CDC27: variants seen among roughly 807,000 people sequenced by gnomAD.
CDC27 encodes cell division cycle protein 27 homolog.
Under a neutral mutation model 109.7 loss-of-function variants are expected in CDC27, and 27 were observed. That is an observed-to-expected ratio of 0.25 (90% CI 0.18 to 0.34). The LOEUF (loss-of-function observed/expected upper bound fraction) is 0.34. Among genes scored for constraint, CDC27 ranks in the 10% least tolerant of loss-of-function variants. The pLI, the probability that CDC27 is intolerant of heterozygous loss-of-function variation, is 1.00. For synonymous variants in CDC27, 266 were observed against 333.9 expected, an observed-to-expected ratio of 0.80 and a Z score of 2.22; for missense variants, 579 against 960.2, an observed-to-expected ratio of 0.60 and a Z score of 5.25.
intron 4 of CDC27, among the ~76,000 whole-genome samples, chr17:47,166,688 C>T (rs536571073): frequency 2.0e-5 from 3 of 152,232 alleles, no homozygotes; most frequent in Admixed American, 1.3e-4. Context: ...GCTTAGATAG[C>T]AGAGTTGAAA....
chr17:47,133,046 C>T (rs1231994434), intron 14 of CDC27, among the ~76,000 whole-genome samples: 17 of 66,882 alleles, frequency 2.5e-4, no homozygotes, highest in Admixed American at 4.4e-4. Context: ...CACACACACA[C>T]ACACACACAT....
At chr17:47,159,722 G>T in intron 4 of CDC27, 1 of 413,074 alleles carries the variant, frequency 2.4e-6, no homozygotes, top group Non-Finnish European at 4.6e-6. Context: ...GCCCTGGCTG[G>T]CACGGGTCTG....
At chr17:47,125,285 C>A (rs1408526607) in intron 16 of CDC27, among the ~76,000 whole-genome samples, 1 of 113,850 alleles carries the variant, frequency 8.8e-6, no homozygotes, top group Non-Finnish European at 1.7e-5. Context: ...TTCACTCTAT[C>A]ACCCAGGCTG....
intron 10 of CDC27, among the ~76,000 whole-genome samples, chr17:47,142,892 T>A (rs11570521): frequency 9.2e-5 from 14 of 152,176 alleles, no homozygotes; most frequent in African/African-American, 3.4e-4. Context: ...GTCAGGCTGG[T>A]CTCGAACTCC....
chr17:47,171,152 A>G (rs2063800523), intron 3 of CDC27: 1 of 152,254 alleles, frequency 6.6e-6, no homozygotes, highest in Admixed American at 6.5e-5. Flanking sequence ...AAGATTTTTA[A>G]GAATTCCACA....
rs575458787 is a variant in CDC27 at position 47,182,103 on chromosome 17, G to A, written c.28-466C>T. Among the ~76,000 whole-genome samples, 4 of 152,254 alleles carry A rather than the reference G, an allele frequency of 2.6e-5. No homozygotes were observed. In the South Asian group the frequency reaches 8.3e-4, roughly 32 times the overall value. Reference sequence around the variant, plus strand: ...AAACTACAGACTTTTAGCAGCAGTGGTTCTCAACCACTTTATGTGATATAC... The same window carrying A: ...AAACTACAGACTTTTAGCAGCAGTGATTCTCAACCACTTTATGTGATATAC... On this transcript the variant is annotated intron_variant, in intron 1 of 18. Transcript: ENST00000066544.
intron 16 of CDC27, 47 bp downstream of exon 16, chr17:47,129,346 G>GT: frequency 7.3e-7 from 1 of 1,369,606 alleles, no homozygotes; most frequent in Non-Finnish European, 1.0e-6. Context: ...GGATAACGTT[G>GT]TTTTTAAGCA....
intron 2 of CDC27, among the ~76,000 whole-genome samples, chr17:47,175,904 T>C (rs1426653712): frequency 6.6e-6 from 1 of 152,222 alleles, no homozygotes; most frequent in African/African-American, 2.4e-5. Context: ...GTACCGACTC[T>C]GAAGCTAGAC....
At chr17:47,186,316 C>T (rs1347615285) in intron 1 of CDC27, among the ~76,000 whole-genome samples, 1 of 152,136 alleles carries the variant, frequency 6.6e-6, no homozygotes, top group Non-Finnish European at 1.5e-5. Context: ...AACATTTTAT[C>T]CCCAGCCAAG....
chr17:47,152,918 C>T (rs11570498), intron 8 of CDC27, among the ~76,000 whole-genome samples: 2,795 of 152,160 alleles, frequency 0.018, 40 homozygotes, highest in Middle Eastern at 0.075. Flanking sequence ...TCTTTCTTTC[C>T]CTAGGAGAGC....
At chr17:47,164,859 G>A (rs149742046) in intron 4 of CDC27, among the ~76,000 whole-genome samples, 1 of 152,160 alleles carries the variant, frequency 6.6e-6, no homozygotes. Flanking sequence ...AAACCACAGA[G>A]CTTATTTGAA....
At position 47,154,571 on chromosome 17, in the gene CDC27, C is replaced by G. The variant is rs959687784; in HGVS notation, c.957+101G>C. Reference sequence around the variant, plus strand: ...GCTGGGTTCAAATATAAGGCAAAAGCAATTACATAAAGTAAGATTTTCCCT... The same window carrying G: ...GCTGGGTTCAAATATAAGGCAAAAGGAATTACATAAAGTAAGATTTTCCCT... On this transcript the variant is annotated intron_variant, in intron 8 of 18. Transcript: ENST00000066544. The G allele has an allele frequency of 1.9e-4, 121 of 633,558 alleles. No homozygotes were observed. In the Admixed American group the frequency reaches 2.0e-3, roughly 10 times the overall value. The allele number at this position is 633,558 out of a possible 1,614,324, so 39.2% of individuals were successfully genotyped here. A position where few individuals can be genotyped will look rare whatever the true frequency, so the allele number is the denominator to read the frequency against.
chr17:47,179,920 A>T (rs1368937137), intron 2 of CDC27, among the ~76,000 whole-genome samples: 1 of 152,200 alleles, frequency 6.6e-6, no homozygotes, highest in African/African-American at 2.4e-5. Flanking sequence ...ATAAACTAGA[A>T]ACTGCCTATT....
rs775321736 is a variant in CDC27 at position 47,137,288 on chromosome 17, C to T, written c.1777G>A (p.Ala593Thr). The change falls in exon 14 of 19, where the codon GCT becomes ACT. Residue 593 changes from alanine to threonine, a missense_variant. By Grantham distance (58) the Ala-to-Thr change is moderately conservative. Transcript: ENST00000066544. ...HDIAIKFFQR[A>T]IQVDPNYAYA... The stretch of plus-strand genomic sequence containing the variant: ...GCGTAATTTGGATCAACTTGGATAG[C>T]TCTCTGGAAGAATTTAATTGCAATA... The T allele has an allele frequency of 3.1e-6, 5 of 1,611,944 alleles. No homozygotes were observed. The highest frequency in any genetic ancestry group is 1.1e-5 in the South Asian group (1 of 90,804).
intron 2 of CDC27, among the ~76,000 whole-genome samples, chr17:47,175,878 T>C (rs1260740762): frequency 6.6e-6 from 1 of 152,196 alleles, no homozygotes; most frequent in African/African-American, 2.4e-5. Flanking sequence ...ATAAGTAGTA[T>C]GACATGTGGA....
intron 4 of CDC27, among the ~76,000 whole-genome samples, chr17:47,166,448 G>C (rs1235483503): frequency 6.6e-6 from 1 of 152,142 alleles, no homozygotes; most frequent in Non-Finnish European, 1.5e-5. Context: ...AGGGTAGGTA[G>C]TGATATTCCT....
intron 16 of CDC27, among the ~76,000 whole-genome samples, chr17:47,124,178 A>AACACACACACACAC (rs59790354): frequency 0.025 from 3,540 of 144,396 alleles, 50 homozygotes; most frequent in African/African-American, 0.039. Context: ...GTACACTGAA[A>AACACACACACACAC]ACACACACAC....
rs1294259690 is a variant in CDC27 at position 47,124,254 on chromosome 17, G to GTTA, written c.2161-295_2161-294insTAA. Among the ~76,000 whole-genome samples, 143 of 61,830 alleles carry GTTA rather than the reference G, an allele frequency of 2.3e-3. 1 individual carries two copies. The highest frequency in any genetic ancestry group is 0.013 in the Middle Eastern group (1 of 80). 40.6% of individuals were successfully genotyped at this position (61,830 alleles called of 152,430 possible). Reference sequence around the variant, plus strand: ...CAGGTGGTAACAATCCTTGCTTTTGGTCATCTATCTATCTATCTATCTATC... The same window carrying GTTA: ...CAGGTGGTAACAATCCTTGCTTTTGGTTATCATCTATCTATCTATCTATCTATC... On this transcript the variant is annotated intron_variant, in intron 16 of 18. Transcript: ENST00000066544.
intron 2 of CDC27, among the ~76,000 whole-genome samples, chr17:47,177,123 C>T (rs527395037): frequency 3.3e-5 from 5 of 152,134 alleles, no homozygotes; most frequent in South Asian, 2.1e-4. Flanking sequence ...AATTGGTGAA[C>T]GATTTTACGG....
Sources: allele counts gnomAD v4.1 joint callset (sites outside exome capture counted in the v4.1 genomes callset), GRCh38; gene constraint gnomAD v4.1.1; transcripts MANE v1.5; gene names NCBI Gene and HGNC (gene_info 2026-07-23, HGNC 2026-07-21).